STARD8: variants seen among roughly 807,000 people sequenced by gnomAD.
STARD8 encodes stAR-related lipid transfer protein 8.
A neutral mutation model predicts 69.4 loss-of-function variants in STARD8; 25 were observed. The ratio of observed to expected loss-of-function variants is 0.36; its 90% CI spans 0.26 to 0.50. The LOEUF (loss-of-function observed/expected upper bound fraction) is 0.50. Ranked by LOEUF, STARD8 falls within the 20% of genes least tolerant of loss-of-function variation. STARD8 has a pLI of 0.96. For missense variants in STARD8, 921 were observed against 932.5 expected, an observed-to-expected ratio of 0.99 and a Z score of 0.16; for synonymous variants, 389 against 374.6, an observed-to-expected ratio of 1.04 and a Z score of -0.45.
intron 2 of STARD8, among the ~76,000 whole-genome samples, chrX:68,668,422 A>G (rs761277918): frequency 9.4e-6 from 1 of 106,842 alleles, no homozygotes. Flanking sequence ...TTCTGGGCTT[A>G]AGGGATCCTC....
At chrX:68,691,193 G>T (rs1160758630) in intron 2 of STARD8, among the ~76,000 whole-genome samples, 1 of 111,807 alleles carries the variant, frequency 8.9e-6, no homozygotes, top group East Asian at 2.8e-4. Context: ...CCTGCTTCAA[G>T]CACTCTACAT....
At chrX:68,672,758 C>T (rs1279558886) in intron 2 of STARD8, among the ~76,000 whole-genome samples, 1 of 111,205 alleles carries the variant, frequency 9.0e-6, no homozygotes, top group African/African-American at 3.3e-5. Flanking sequence ...CTTTCAGAGG[C>T]CCCTTCTGAC....
intron 2 of STARD8, among the ~76,000 whole-genome samples, chrX:68,699,965 TTCCCC>T (rs2079953579): frequency 9.0e-6 from 1 of 111,547 alleles, no homozygotes; most frequent in African/African-American, 3.3e-5. Context: ...TTAGTAGGTG[TTCCCC>T]TTGTTGAGTT....
chrX:68,655,337 A>G (rs2079604780), intron 1 of STARD8, among the ~76,000 whole-genome samples: 1 of 112,104 alleles, frequency 8.9e-6, no homozygotes, highest in African/African-American at 3.3e-5. Flanking sequence ...GAAATAAATT[A>G]TGACATAAGA....
chrX:68,652,751 A>C (rs1385491709), intron 1 of STARD8, among the ~76,000 whole-genome samples: 2 of 48,095 alleles, frequency 4.2e-5, no homozygotes, highest in African/African-American at 8.1e-5. Context: ...ACACACATAC[A>C]CCACACTCCC....
At chrX:68,681,492 T>C (rs145185467) in intron 2 of STARD8, among the ~76,000 whole-genome samples, 2 of 112,705 alleles carry the variant, frequency 1.8e-5, no homozygotes. Flanking sequence ...CCCCTTTACT[T>C]TTCTGCCAAG....
At chrX:68,652,005 G>A (rs1447100969) in intron 1 of STARD8, among the ~76,000 whole-genome samples, 11 of 106,701 alleles carry the variant, frequency 1.0e-4, no homozygotes, top group Admixed American at 1.0e-3. Context: ...CCGCCACCAC[G>A]CCCAGCTAAT....
At chrX:68,713,093 C>A in intron 3 of STARD8, 108 bp downstream of exon 3, 2 of 806,448 alleles carry the variant, frequency 2.5e-6, no homozygotes, top group South Asian at 2.7e-5. Context: ...CAAGCAGTGT[C>A]TCCTGGCCCT....
intron 1 of STARD8, among the ~76,000 whole-genome samples, chrX:68,650,782 CAAACA>C (rs199558734): frequency 0.058 from 5,184 of 88,643 alleles, 159 homozygotes; most frequent in Middle Eastern, 0.08. Flanking sequence ...GGCTATGTCT[CAAACA>C]AAACAAAACA....
chrX:68,705,085 C>T (rs1437228319), intron 2 of STARD8, among the ~76,000 whole-genome samples: 1 of 112,379 alleles, frequency 8.9e-6, no homozygotes, highest in East Asian at 2.8e-4. Flanking sequence ...CTCATTAAAA[C>T]AACTCTCTCT....
At chrX:68,706,529 C>T (rs1342845480) in intron 2 of STARD8, among the ~76,000 whole-genome samples, 2 of 111,864 alleles carry the variant, frequency 1.8e-5, no homozygotes, top group African/African-American at 6.5e-5. Context: ...GGTCCCTTTC[C>T]CACTGTCCCC....
chrX:68,695,723 A>G lies in STARD8; in HGVS notation c.80-17191A>G, dbSNP rs1446848849. Among the ~76,000 whole-genome samples, 5 of 111,877 alleles carry G rather than the reference A, an allele frequency of 4.5e-5. No individual in the cohort carries two copies. The East Asian group carries it at 1.4e-3, about 31-fold the overall frequency. ...CACAATACCTCCTGAGTTCCAGCAGAGAAGCAAAGAAAGTGGCACCAAGAA... is the reference window on the plus strand; with the variant it reads ...CACAATACCTCCTGAGTTCCAGCAGGGAAGCAAAGAAAGTGGCACCAAGAA... On this transcript the variant is annotated intron_variant, in intron 2 of 14. Transcript: ENST00000374599.
intron 3 of STARD8, among the ~76,000 whole-genome samples, chrX:68,714,298 C>T (rs1236975577): frequency 8.9e-6 from 1 of 112,509 alleles, no homozygotes; most frequent in Non-Finnish European, 1.9e-5. Flanking sequence ...CCATTGATTA[C>T]TCTTACCTTT....
At chrX:68,718,724 T>G in intron 6 of STARD8, 95 bp downstream of exon 6, 1 of 1,097,731 alleles carries the variant, frequency 9.1e-7, no homozygotes, top group Non-Finnish European at 1.2e-6. Context: ...CAGGGCTAAG[T>G]GCTTGGCGGC....
chrX:68,705,192 C>T (rs755204140), intron 2 of STARD8, among the ~76,000 whole-genome samples: 17 of 112,534 alleles, frequency 1.5e-4, no homozygotes, highest in Non-Finnish European at 2.6e-4. Context: ...TGCAGCAGAG[C>T]AGGTGGCAGC....
At chrX:68,706,718 G>T (rs1008888547) in intron 2 of STARD8, among the ~76,000 whole-genome samples, 1 of 112,890 alleles carries the variant, frequency 8.9e-6, no homozygotes, top group South Asian at 3.7e-4. Context: ...GTCCCTTAGT[G>T]TTTCCTTAGG....
At chrX:68,679,932 G>A (rs1302446679) in intron 2 of STARD8, among the ~76,000 whole-genome samples, 2 of 111,564 alleles carry the variant, frequency 1.8e-5, no homozygotes, top group Middle Eastern at 4.6e-3. Flanking sequence ...GGAGGTAAGA[G>A]GGGTAGACTT....
chrX:68,650,721 T>C (rs1240989620), intron 1 of STARD8, among the ~76,000 whole-genome samples: 1 of 110,186 alleles, frequency 9.1e-6, no homozygotes, highest in Non-Finnish European at 1.9e-5. Flanking sequence ...GGAGGATGGC[T>C]GCAGTGAGTC....
At chrX:68,720,801 C>A in intron 8 of STARD8, 123 bp from the exon 9 acceptor site, 1 of 635,008 alleles carries the variant, frequency 1.6e-6, no homozygotes, top group Non-Finnish European at 2.4e-6. Context: ...CTCAGGAGGC[C>A]TGATAAGCTT....
Sources: allele counts gnomAD v4.1 joint callset (sites outside exome capture counted in the v4.1 genomes callset), GRCh38; gene constraint gnomAD v4.1.1; transcripts MANE v1.5; gene names NCBI Gene and HGNC (gene_info 2026-07-23, HGNC 2026-07-21).